Variants in UNCX observed in about 807,000 individuals in gnomAD.
The protein encoded by UNCX is homeobox protein unc-4 homolog.
Under a neutral mutation model 14.8 loss-of-function variants are expected in UNCX, and 4 were observed. That is an observed-to-expected ratio of 0.27 (90% CI 0.13 to 0.62). UNCX has a LOEUF of 0.62. Ranked by LOEUF, UNCX falls within the 20% of genes least tolerant of loss-of-function variation. UNCX has a pLI of 0.86. For missense variants in UNCX, 749 were observed against 786.8 expected (o/e 0.95, Z 0.58); for synonymous variants, 459 against 395.8 (o/e 1.16, Z -1.90).
Position 1,233,742 on chromosome 7 carries a change from T to C in UNCX, c.450+47T>C. On this transcript the variant is annotated intron_variant, in intron 2 of 2. Transcript: ENST00000316333. This position sits in a 1 kb window ranked among gnomAD's most constrained non-coding sequence, Gnocchi z 5.3. Reference sequence around the variant, plus strand: ...CGGATCTGCCATCCGGACCCCAGGCTCTGGGCGCGCCGGGACGCCTTTGTT... The same window carrying C: ...CGGATCTGCCATCCGGACCCCAGGCCCTGGGCGCGCCGGGACGCCTTTGTT... The C allele has an allele frequency of 6.4e-7, 1 of 1,557,368 alleles. No homozygotes were observed.
rs1344099087 is a variant in UNCX, at chr7:1,236,069, G to A, written c.688G>A (p.Ala230Thr). Residue 230 changes from alanine to threonine, a missense_variant, in exon 3 of 3, where the codon GCG becomes ACG. Ala to Thr is a moderately conservative substitution (Grantham distance 58). Around this residue, in one of 3 missense-constraint regions of UNCX, gnomAD observed 552 missense variants for 507.2 expected, o/e 1.09. Transcript: ENST00000316333. The surrounding 1 kb of genome is among the most constrained non-coding windows in gnomAD (Gnocchi z 6.9). ...HSPGGLSLHS[A>T]PSSDSDSGGG... is the part of the protein sequence containing the mutation. ...GCCCGGCGGCCTGTCCCTGCACAGCGCGCCCAGCTCCGACAGCGACAGCGG... is the reference window on the plus strand; with the variant it reads ...GCCCGGCGGCCTGTCCCTGCACAGCACGCCCAGCTCCGACAGCGACAGCGG... 2.3e-5 allele frequency: 36 copies of A among 1,588,020 alleles called. No homozygotes were observed. The highest frequency in any genetic ancestry group is 3.1e-5 in the Non-Finnish European group (36 of 1,168,596).
chr7:1,236,551 G>A lies in UNCX; in HGVS notation c.1170G>A (p.Leu390=). The A allele has an allele frequency of 7.3e-7, 1 of 1,372,554 alleles. No individual in the cohort carries two copies. The highest frequency in any genetic ancestry group is 9.5e-7 in the Non-Finnish European group (1 of 1,053,368). 85.0% of individuals were successfully genotyped at this position (1,372,554 alleles called of 1,614,324 possible). The change falls in exon 3 of 3, where the codon CTG becomes CTA. Residue 390 remains leucine, a synonymous_variant. Coordinates refer to ENST00000316333, the MANE Select transcript of UNCX (RefSeq NM_001080461.3). The surrounding 1 kb of genome is among the most constrained non-coding windows in gnomAD (Gnocchi z 6.9). Reference sequence around the variant, plus strand: ...CCATCACGCAGCCGCTCGGCTTCCTGGTGCCGCAGGCCGCGCTCAAGGGCG... The same window carrying A: ...CCATCACGCAGCCGCTCGGCTTCCTAGTGCCGCAGGCCGCGCTCAAGGGCG... ...LYPITQPLGF[L]VPQAALKGGA... is the part of the protein sequence containing the mutation.
rs1350266014 is a variant in UNCX at position 1,233,214 on chromosome 7, C to T, written c.197C>T (p.Ala66Val). Residue 66 changes from alanine (A) to valine (V), a missense_variant, in exon 1 of 3, where the codon GCC becomes GTC. This residue lies in a region of UNCX where 155 missense variants were observed against 166.7 expected (regional missense o/e 0.93). Coordinates refer to ENST00000316333, the MANE Select transcript of UNCX (RefSeq NM_001080461.3). The surrounding 1 kb of genome is among the most constrained non-coding windows in gnomAD (Gnocchi z 5.3). ...CTCGGGGGCTCGTGCGCCGCCGCCG[C>T]CTCGGTGGTCAACCCCACGCCGCTG... ...GLLGGSCAAA[A>V]SVVNPTPLLP... is the part of the protein sequence containing the mutation. The T allele has an allele frequency of 1.4e-6, 2 of 1,443,030 alleles. No individual in the cohort carries two copies. Among genetic ancestry groups the T allele is most frequent in the Admixed American group, 2.6e-5 (1 of 38,988 alleles). The allele number at this position is 1,443,030 out of a possible 1,614,324, so 89.4% of individuals were successfully genotyped here.
chr7:1,236,367 C>G lies in UNCX; in HGVS notation c.986C>G (p.Ala329Gly), dbSNP rs1400435245. The G allele has an allele frequency of 2.2e-6, 3 of 1,355,434 alleles. No individual in the cohort carries two copies. The highest frequency in any genetic ancestry group is 1.6e-5 in the African/African-American group (1 of 64,222). The allele number at this position is 1,355,434 out of a possible 1,614,324, so 84.0% of individuals were successfully genotyped here. A position where few individuals can be genotyped will look rare whatever the true frequency, so the allele number is the denominator to read the frequency against. The part of the protein sequence containing the change: ...VERGAAGLPK[A>G]SPFSVESLLS... Reference sequence around the variant, plus strand: ...CGCGGCGCCGCGGGGCTGCCCAAGGCCAGCCCATTCAGCGTGGAGAGCCTC... The same window carrying G: ...CGCGGCGCCGCGGGGCTGCCCAAGGGCAGCCCATTCAGCGTGGAGAGCCTC... The change falls in exon 3 of 3, where the codon GCC becomes GGC. Residue 329 changes from alanine to glycine, a missense_variant. Physicochemically the swap from Ala to Gly is moderately conservative, Grantham distance 60. This residue lies in a region of UNCX where 552 missense variants were observed against 507.2 expected (regional missense o/e 1.09). Coordinates refer to ENST00000316333, the MANE Select transcript of UNCX (RefSeq NM_001080461.3). This position sits in a 1 kb window ranked among gnomAD's most constrained non-coding sequence, Gnocchi z 6.9.
intron 2 of UNCX, among the ~76,000 whole-genome samples, chr7:1,234,087 C>G (rs998767266): frequency 2.0e-5 from 3 of 150,366 alleles, no homozygotes; most frequent in African/African-American, 7.3e-5. Context: ...CCCCCCCCCG[C>G]CCCCGCACCG....
intron 2 of UNCX, among the ~76,000 whole-genome samples, 190 bp from the exon 3 acceptor site, chr7:1,235,642 G>A (rs1420713944): frequency 1.3e-5 from 2 of 152,368 alleles, no homozygotes; most frequent in African/African-American, 4.8e-5. Flanking sequence ...GGGTGGAAAA[G>A]GCGCTCGCTG....
intron 2 of UNCX, among the ~76,000 whole-genome samples, chr7:1,235,498 A>T (rs992300164): frequency 2.0e-5 from 3 of 152,212 alleles, no homozygotes; most frequent in Admixed American, 1.3e-4. Context: ...CTTGCTCTCT[A>T]GCCTCCGGAC....
At position 1,237,323 on chromosome 7, in the gene UNCX, G is replaced by T. The variant is rs949123117; in HGVS notation, c.*346G>T. The T allele has an allele frequency of 6.6e-6, 1 of 152,210 alleles. No individual in the cohort carries two copies. Among genetic ancestry groups the T allele is most frequent in the African/African-American group, 2.4e-5 (1 of 41,400 alleles). The allele number at this position is 152,210 out of a possible 1,614,324, so 9.4% of individuals were successfully genotyped here. ...TTTTGATAAATAAAGCTGGTCAAAC[G>T]CAAGTTTTCAGGTCCATCTTTTTAA... On this transcript the variant is annotated 3_prime_UTR_variant, in exon 3 of 3. Coordinates refer to ENST00000316333, the MANE Select transcript of UNCX (RefSeq NM_001080461.3). The surrounding 1 kb of genome is among the most constrained non-coding windows in gnomAD (Gnocchi z 5.8).
Position 1,233,051 on chromosome 7 carries a change from GC to G in UNCX, c.37del (p.Gln13SerfsTer130). On this transcript the variant is annotated frameshift_variant, in exon 1 of 3. Coordinates refer to ENST00000316333, the MANE Select transcript of UNCX (RefSeq NM_001080461.3). LOFTEE classifies it high-confidence loss of function. The surrounding 1 kb of genome is among the most constrained non-coding windows in gnomAD (Gnocchi z 5.3). ...MDGRLLEHPH[A>X]QFGGSLGGVV... ...CGGCCGCCTCCTGGAACACCCGCAT[GC>G]CCAGTTCGGGGGCTCGCTGGGCGGC... 1 of 1,402,314 alleles carries G rather than the reference GC, an allele frequency of 7.1e-7. No homozygotes were observed. The highest frequency in any genetic ancestry group is 9.3e-7 in the Non-Finnish European group (1 of 1,075,260). The allele number at this position is 1,402,314 out of a possible 1,614,324, so 86.9% of individuals were successfully genotyped here.
chr7:1,234,698 C>T (rs943103862), intron 2 of UNCX, among the ~76,000 whole-genome samples: 4 of 141,766 alleles, frequency 2.8e-5, no homozygotes, highest in African/African-American at 5.1e-5. Flanking sequence ...CCATGTCTCC[C>T]CTAATACGAT....
chr7:1,236,493 C>G lies in UNCX; in HGVS notation c.1112C>G (p.Thr371Ser). ...CCCGGGCTGCCGTGCGCGCCGCGGA[C>G]CCTGATCGGCAAGGGCCACTTCCTC... ...FAPGLPCAPR[T>S]LIGKGHFLLY... The change falls in exon 3 of 3, where the codon ACC (threonine) becomes AGC (serine). Residue 371 changes from threonine (T) to serine (S), a missense_variant. Physicochemically the swap from Thr to Ser is moderately conservative, Grantham distance 58. Coordinates refer to ENST00000316333, the MANE Select transcript of UNCX (RefSeq NM_001080461.3). The surrounding 1 kb of genome is among the most constrained non-coding windows in gnomAD (Gnocchi z 6.9). 1.4e-6 allele frequency: 2 copies of G among 1,403,370 alleles called. No homozygotes were observed. The highest frequency in any genetic ancestry group is 2.7e-5 in the South Asian group (2 of 73,022). The allele number at this position is 1,403,370 out of a possible 1,614,324, so 86.9% of individuals were successfully genotyped here.
At chr7:1,235,341 G>A (rs1778717734) in intron 2 of UNCX, among the ~76,000 whole-genome samples, 1 of 152,274 alleles carries the variant, frequency 6.6e-6, no homozygotes, top group Non-Finnish European at 1.5e-5. Context: ...CCCCCGAAAT[G>A]TGGGCTTTGA....
Position 1,233,556 on chromosome 7 carries a change from A to G in UNCX, c.311A>G (p.Lys104Arg), listed in dbSNP as rs1778685877. Residue 104 changes from lysine (K) to arginine (R), a missense_variant, in exon 2 of 3, where the codon AAG becomes AGG. Physicochemically the swap from Lys to Arg is conservative, Grantham distance 26 (BLOSUM62 2). Around this residue, in one of 3 missense-constraint regions of UNCX, gnomAD observed 155 missense variants for 166.7 expected, o/e 0.93. Coordinates refer to ENST00000316333, the MANE Select transcript of UNCX (RefSeq NM_001080461.3). This position sits in a 1 kb window ranked among gnomAD's most constrained non-coding sequence, Gnocchi z 5.3. ...CCGGACAAGGAGAGCCCGGGCTGCA[A>G]GCGGCGGCGCACCCGCACCAACTTC... ...GDPDKESPGC[K>R]RRRTRTNFTG... is the part of the protein sequence containing the mutation. 12 of 1,612,778 alleles carry G rather than the reference A, an allele frequency of 7.4e-6. No homozygotes were observed. Among genetic ancestry groups the G allele is most frequent in the Non-Finnish European group, 1.0e-5 (12 of 1,179,814 alleles).
rs559330506 is a variant in UNCX at position 1,235,731 on chromosome 7, A to T, written c.451-101A>T. ...CTTCACTCCTGCCCCGGCCGAGCGG[A>T]GGTTGTGCAGGCCCCTCTGGGGGGA... On this transcript the variant is annotated intron_variant, in intron 2 of 2. Transcript: ENST00000316333. The T allele has an allele frequency of 2.1e-5, 22 of 1,064,124 alleles. No homozygotes were observed. The African/African-American group carries it at 3.2e-4, about 15-fold the overall frequency. The allele number at this position is 1,064,124 out of a possible 1,614,324, so 65.9% of individuals were successfully genotyped here. A position where few individuals can be genotyped will look rare whatever the true frequency, so the allele number is the denominator to read the frequency against.
chr7:1,236,220 C>T lies in UNCX; in HGVS notation c.839C>T (p.Thr280Ile). 5.9e-6 allele frequency: 8 copies of T among 1,350,260 alleles called. No homozygotes were observed. The highest frequency in any genetic ancestry group is 5.8e-6 in the Non-Finnish European group (6 of 1,040,980). The allele number at this position is 1,350,260 out of a possible 1,614,324, so 83.6% of individuals were successfully genotyped here. A position where few individuals can be genotyped will look rare whatever the true frequency, so the allele number is the denominator to read the frequency against. ...CCCGGCGAGCCGCCTGCACCCGGCACCTGCGACCCCGCCTTCTACCCGAGC... is the reference window on the plus strand; with the variant it reads ...CCCGGCGAGCCGCCTGCACCCGGCATCTGCGACCCCGCCTTCTACCCGAGC... The part of the protein sequence containing the change: ...APPGEPPAPG[T>I]CDPAFYPSQR... The change falls in exon 3 of 3, where the codon ACC becomes ATC. Residue 280 changes from threonine to isoleucine, a missense_variant. Thr to Ile is a moderately conservative substitution (Grantham distance 89, BLOSUM62 -1). Coordinates refer to ENST00000316333, the MANE Select transcript of UNCX (RefSeq NM_001080461.3). This position sits in a 1 kb window ranked among gnomAD's most constrained non-coding sequence, Gnocchi z 6.9.
rs1385513393 is a variant in UNCX at position 1,236,519 on chromosome 7, C to T, written c.1138C>T (p.Leu380Phe). ...RTLIGKGHFL[L>F]YPITQPLGFL... ...CCTGATCGGCAAGGGCCACTTCCTC[C>T]TCTACCCCATCACGCAGCCGCTCGG... is the stretch of plus-strand genomic sequence containing the variant. The change falls in exon 3 of 3, where the codon CTC becomes TTC. Residue 380 changes from leucine to phenylalanine, a missense_variant. Physicochemically the swap from Leu to Phe is conservative, Grantham distance 22. Coordinates refer to ENST00000316333, the MANE Select transcript of UNCX (RefSeq NM_001080461.3). The surrounding 1 kb of genome is among the most constrained non-coding windows in gnomAD (Gnocchi z 6.9). 3.6e-6 allele frequency: 5 copies of T among 1,407,744 alleles called. No individual in the cohort carries two copies. Among genetic ancestry groups the T allele is most frequent in the Non-Finnish European group, 4.7e-6 (5 of 1,075,026 alleles). The allele number at this position is 1,407,744 out of a possible 1,614,324, so 87.2% of individuals were successfully genotyped here. A position where few individuals can be genotyped will look rare whatever the true frequency, so the allele number is the denominator to read the frequency against.
chr7:1,233,038 G>T lies in UNCX; in HGVS notation c.21G>T (p.Leu7=), dbSNP rs1157104768. Residue 7 remains leucine (L), a synonymous_variant, in exon 1 of 3, where the codon CTG becomes CTT. Transcript: ENST00000316333. This position sits in a 1 kb window ranked among gnomAD's most constrained non-coding sequence, Gnocchi z 5.3. The part of the protein sequence containing the change: MMDGRL[L]EHPHAQFGGS... ...GCGAGATGATGGACGGCCGCCTCCT[G>T]GAACACCCGCATGCCCAGTTCGGGG... 1 of 1,324,194 alleles carries T rather than the reference G, an allele frequency of 7.6e-7. No individual in the cohort carries two copies. 82.0% of individuals were successfully genotyped at this position (1,324,194 alleles called of 1,614,324 possible).
At chr7:1,235,183 C>T (rs1231702009) in intron 2 of UNCX, among the ~76,000 whole-genome samples, 1 of 152,244 alleles carries the variant, frequency 6.6e-6, no homozygotes, top group African/African-American at 2.4e-5. Flanking sequence ...GGGAAGGCTC[C>T]GTTGGCGCCC....
chr7:1,235,218 G>T (rs1165298565), intron 2 of UNCX, among the ~76,000 whole-genome samples: 1 of 152,266 alleles, frequency 6.6e-6, no homozygotes, highest in African/African-American at 2.4e-5. Flanking sequence ...CGGAAAGAAG[G>T]CTGTGTTAGC....
Sources: allele counts gnomAD v4.1 joint callset (sites outside exome capture counted in the v4.1 genomes callset), GRCh38; gene constraint gnomAD v4.1.1; regional missense constraint gnomAD v4.1.1; non-coding constraint Gnocchi (gnomAD v3.1); transcripts MANE v1.5; gene names NCBI Gene and HGNC (gene_info 2026-07-23, HGNC 2026-07-21).